FOXP1: variants seen among roughly 807,000 people sequenced by gnomAD.
FOXP1 encodes the protein forkhead box P1.
FOXP1 carries 15 observed loss-of-function variants against 98.2 expected under a neutral mutation model. The ratio of observed to expected loss-of-function variants is 0.15; its 90% confidence interval spans 0.10 to 0.24. The LOEUF (loss-of-function observed/expected upper bound fraction) is 0.24. Ranked by LOEUF, FOXP1 falls within the 10% of genes least tolerant of loss-of-function variation. FOXP1 has a pLI of 1.00. For synonymous variants in FOXP1, 371 were observed against 314.5 expected (o/e 1.18, Z -1.90); for missense variants, 633 against 848.5 (o/e 0.75, Z 3.15).
intron 6 of FOXP1, among the ~76,000 whole-genome samples, chr3:71,125,215 C>G (rs1399851614): frequency 1.3e-5 from 2 of 152,186 alleles, no homozygotes; most frequent in Admixed American, 6.5e-5. Context: ...GTAACTAACA[C>G]TGAATCCCAA....
intron 4 of FOXP1, among the ~76,000 whole-genome samples, chr3:71,338,541 C>T (rs1278232573): frequency 6.6e-6 from 1 of 152,158 alleles, no homozygotes; most frequent in Non-Finnish European, 1.5e-5. Context: ...CATTCTCCTG[C>T]CCCAGCCTCC....
At chr3:71,284,430 T>C (rs1289285548) in intron 5 of FOXP1, among the ~76,000 whole-genome samples, 3 of 152,030 alleles carry the variant, frequency 2.0e-5, no homozygotes, top group African/African-American at 4.8e-5. Context: ...CTGGACATGG[T>C]GTGTGCAACT....
chr3:71,340,255 T>C (rs1283128785), intron 4 of FOXP1, among the ~76,000 whole-genome samples: 1 of 152,222 alleles, frequency 6.6e-6, no homozygotes, highest in African/African-American at 2.4e-5. Context: ...GTAGCATCAG[T>C]GTCTAAGTAG....
chr3:71,408,860 G>A (rs901528615), intron 3 of FOXP1, among the ~76,000 whole-genome samples: 15 of 152,144 alleles, frequency 9.9e-5, no homozygotes, highest in Non-Finnish European at 1.5e-5. Flanking sequence ...GCTAGAAAAA[G>A]ATGTATCTTA....
At chr3:71,477,941 A>C (rs919522965) in intron 3 of FOXP1, among the ~76,000 whole-genome samples, 6 of 152,234 alleles carry the variant, frequency 3.9e-5, no homozygotes, top group Non-Finnish European at 8.8e-5. Context: ...TAATTTTGCT[A>C]ATTAAAAATT....
At chr3:71,299,409 T>G (rs577548721) in intron 5 of FOXP1, among the ~76,000 whole-genome samples, 1 of 152,320 alleles carries the variant, frequency 6.6e-6, no homozygotes, top group South Asian at 2.1e-4. Context: ...AGCCGCCAGA[T>G]GAACATCAAT....
chr3:71,498,255 G>A (rs1560568970), intron 2 of FOXP1, among the ~76,000 whole-genome samples: 1 of 152,160 alleles, frequency 6.6e-6, no homozygotes, highest in East Asian at 1.9e-4. Context: ...AACAAGTGAT[G>A]TTTTCTTGTT....
chr3:71,016,603 C>T (rs2044523142), intron 11 of FOXP1, among the ~76,000 whole-genome samples: 1 of 151,050 alleles, frequency 6.6e-6, no homozygotes, highest in South Asian at 2.1e-4. Context: ...GCAACTTACT[C>T]GACTGTCTCT....
chr3:71,146,862 G>GCA lies in FOXP1; in HGVS notation c.181-34226_181-34225insTG, dbSNP rs1298599024. Reference sequence around the variant, plus strand: ...TGGAGACTCCTCCTAGTCCCCAGGGGCTGTGCCCTCCTCCCGGCTCTGAGC... The same window carrying GCA: ...TGGAGACTCCTCCTAGTCCCCAGGGGCACTGTGCCCTCCTCCCGGCTCTGAGC... On this transcript the variant is annotated intron_variant, in intron 6 of 20. Transcript: ENST00000649528. 5.3e-5 allele frequency among the ~76,000 whole-genome samples: 8 copies of GCA among 152,302 alleles called. No homozygotes were observed. In the South Asian group the frequency reaches 1.5e-3, roughly 28 times the overall value.
rs529319257 is a variant in FOXP1, at chr3:71,582,743, G to C, written c.-447+828C>G. The C allele has an allele frequency of 6.1e-5, 60 of 985,270 alleles. 1 individual carries two copies. In the South Asian group the frequency reaches 2.5e-3, roughly 41 times the overall value. The allele number at this position is 985,270 out of a possible 1,614,324, so 61.0% of individuals were successfully genotyped here. A position where few individuals can be genotyped will look rare whatever the true frequency, so the allele number is the denominator to read the frequency against. ...TGTTGCGGACTCGTCTCGGGAAAGC[G>C]GAGGCCGAGCGCGCGTAGGGGTGCG... is the stretch of plus-strand genomic sequence containing the variant. On this transcript the variant is annotated intron_variant, in intron 1 of 20. Coordinates refer to ENST00000649528, the MANE Select transcript of FOXP1 (RefSeq NM_001349338.3).
intron 3 of FOXP1, among the ~76,000 whole-genome samples, chr3:71,390,362 G>A (rs2080939331): frequency 1.3e-5 from 2 of 152,284 alleles, no homozygotes; most frequent in South Asian, 4.1e-4. Context: ...GCTTGAAATG[G>A]AGTCATGAGG....
At chr3:71,356,991 C>T (rs539179315) in intron 4 of FOXP1, among the ~76,000 whole-genome samples, 4 of 152,262 alleles carry the variant, frequency 2.6e-5, no homozygotes, top group East Asian at 1.9e-4. Flanking sequence ...TTACTTGTCC[C>T]GTGCACCCCA....
chr3:70,980,446 T>C (rs2038636250), intron 14 of FOXP1, among the ~76,000 whole-genome samples: 1 of 152,182 alleles, frequency 6.6e-6, no homozygotes, highest in East Asian at 1.9e-4. Context: ...CTCCTTCAAT[T>C]CTCATACCAC....
At chr3:71,358,415 A>T (rs965925570) in intron 4 of FOXP1, among the ~76,000 whole-genome samples, 1 of 152,226 alleles carries the variant, frequency 6.6e-6, no homozygotes, top group African/African-American at 2.4e-5. Context: ...ATGAAAGCCC[A>T]ATGTGATTAA....
chr3:71,556,393 T>C (rs1172918280), intron 2 of FOXP1, among the ~76,000 whole-genome samples: 1 of 151,854 alleles, frequency 6.6e-6, no homozygotes, highest in Non-Finnish European at 1.5e-5. Context: ...CTGGCTAACA[T>C]GGTGAAACTC....
chr3:71,267,888 G>T (rs2069859274), intron 5 of FOXP1, among the ~76,000 whole-genome samples: 1 of 151,646 alleles, frequency 6.6e-6, no homozygotes, highest in African/African-American at 2.4e-5. Flanking sequence ...CATGGTAGTG[G>T]GTGCCTGTAA....
At position 71,311,061 on chromosome 3, in the gene FOXP1, C is replaced by T. The variant is rs72955227; in HGVS notation, c.-72-11181G>A. Among the ~76,000 whole-genome samples the T allele has an allele frequency of 7.1e-3, 1,080 of 152,218 alleles. 20 individuals carry two copies. The highest frequency in any genetic ancestry group is 0.025 in the African/African-American group (1,033 of 41,526). The stretch of plus-strand genomic sequence containing the variant: ...AGGGATTTTATCTGATTTGCATCCC[C>T]CTCCCACTTTTTTTTGTTTGTTTGT... On this transcript the variant is annotated intron_variant, in intron 4 of 20. Coordinates refer to ENST00000649528, the MANE Select transcript of FOXP1 (RefSeq NM_001349338.3).
intron 3 of FOXP1, among the ~76,000 whole-genome samples, chr3:71,406,479 T>C (rs778459403): frequency 6.7e-6 from 1 of 149,004 alleles, no homozygotes; most frequent in Non-Finnish European, 1.5e-5. Flanking sequence ...CAAATCAGGG[T>C]ATTCCATTTC....
At chr3:71,238,263 T>C (rs1012649279) in intron 5 of FOXP1, among the ~76,000 whole-genome samples, 1 of 152,186 alleles carries the variant, frequency 6.6e-6, no homozygotes, top group East Asian at 1.9e-4. Flanking sequence ...AAGCAAGTTA[T>C]TCAATCCGAG....
Sources: allele counts gnomAD v4.1 joint callset (sites outside exome capture counted in the v4.1 genomes callset), GRCh38; gene constraint gnomAD v4.1.1; transcripts MANE v1.5; gene names NCBI Gene and HGNC (gene_info 2026-07-23, HGNC 2026-07-21).